Variants in PPARGC1A observed in about 807,000 individuals in gnomAD.
The protein encoded by PPARGC1A is peroxisome proliferator-activated receptor gamma coactivator 1-alpha.
Under a neutral mutation model 88.7 loss-of-function variants are expected in PPARGC1A, and 25 were observed. The ratio of observed to expected loss-of-function variants is 0.28; its 90% CI spans 0.21 to 0.39. PPARGC1A has a LOEUF of 0.39. Ranked by LOEUF, PPARGC1A falls within the 10% of genes least tolerant of loss-of-function variation. The probability of loss-of-function intolerance (pLI) is 1.00; values close to 1 mark genes in which losing one functional copy is unlikely to be tolerated. For synonymous variants in PPARGC1A, 363 were observed against 355.6 expected (o/e 1.02, Z -0.24); for missense variants, 880 against 968.7 (o/e 0.91, Z 1.22).
At chr4:24,143,585 T>C in the PPARGC1A span, among the ~76,000 whole-genome samples, 324 of 151,872 alleles carry the variant, frequency 2.1e-3, 2 homozygotes, top group East Asian at 0.032. Context: ...ATAGCCCACA[T>C]ATTAGACAGA....
the PPARGC1A span, among the ~76,000 whole-genome samples, chr4:24,322,195 C>T: frequency 6.6e-6 from 1 of 152,138 alleles, no homozygotes; most frequent in Non-Finnish European, 1.5e-5. Flanking sequence ...GCCCACATAC[C>T]AAATCTGAAA....
At chr4:23,820,664 C>T (rs1722853957) in intron 7 of PPARGC1A, 1 of 436,066 alleles carries the variant, frequency 2.3e-6, no homozygotes, top group South Asian at 1.6e-5. Flanking sequence ...GTTTTTTTAT[C>T]AGCCAAAATG....
At chr4:24,454,390 T>G in the PPARGC1A span, among the ~76,000 whole-genome samples, 1 of 152,064 alleles carries the variant, frequency 6.6e-6, no homozygotes, top group African/African-American at 2.4e-5. Flanking sequence ...GGATAAATAT[T>G]GTTTCCTTTT....
the PPARGC1A span, among the ~76,000 whole-genome samples, chr4:24,438,190 T>C: frequency 3.3e-5 from 5 of 152,252 alleles, no homozygotes; most frequent in Admixed American, 6.5e-5. Flanking sequence ...AGATTTGATG[T>C]GGAGGAACAG....
the PPARGC1A span, among the ~76,000 whole-genome samples, chr4:24,141,833 G>T: frequency 6.6e-6 from 1 of 152,082 alleles, no homozygotes; most frequent in African/African-American, 2.4e-5. Context: ...GAAACACTCA[G>T]TTCCCTTCCA....
At chr4:24,288,283 G>T in the PPARGC1A span, among the ~76,000 whole-genome samples, 5 of 152,146 alleles carry the variant, frequency 3.3e-5, no homozygotes, top group Non-Finnish European at 7.3e-5. Flanking sequence ...GACCCTAGCT[G>T]GGTTTCTCAA....
At chr4:24,016,170 T>C in the PPARGC1A span, among the ~76,000 whole-genome samples, 1 of 152,196 alleles carries the variant, frequency 6.6e-6, no homozygotes, top group Non-Finnish European at 1.5e-5. Flanking sequence ...ATTATTTTCA[T>C]GCAATTCTGT....
chr4:24,060,602 G>A, the PPARGC1A span, among the ~76,000 whole-genome samples: 1 of 152,170 alleles, frequency 6.6e-6, no homozygotes, highest in Non-Finnish European at 1.5e-5. Flanking sequence ...GCCTTTCTAA[G>A]GTTGGGGAAA....
chr4:24,228,933 T>A, the PPARGC1A span, among the ~76,000 whole-genome samples: 2 of 152,148 alleles, frequency 1.3e-5, no homozygotes, highest in Non-Finnish European at 2.9e-5. Context: ...AATGCAGATA[T>A]GCAGGCTCCA....
At chr4:24,324,754 C>T in the PPARGC1A span, among the ~76,000 whole-genome samples, 1 of 152,138 alleles carries the variant, frequency 6.6e-6, no homozygotes, top group Admixed American at 6.5e-5. Flanking sequence ...ACACATCAGT[C>T]CCTTCCTAGT....
At chr4:24,278,447 T>C in the PPARGC1A span, among the ~76,000 whole-genome samples, 5 of 152,226 alleles carry the variant, frequency 3.3e-5, no homozygotes, top group Non-Finnish European at 7.3e-5. Context: ...CAACTATGTG[T>C]CAGACTTTGT....
At chr4:24,321,227 A>G in the PPARGC1A span, among the ~76,000 whole-genome samples, 1 of 152,222 alleles carries the variant, frequency 6.6e-6, no homozygotes, top group Non-Finnish European at 1.5e-5. Flanking sequence ...TGAAGCAAAA[A>G]GAAACAAAGG....
the PPARGC1A span, among the ~76,000 whole-genome samples, chr4:24,045,233 G>A: frequency 6.6e-6 from 1 of 152,058 alleles, no homozygotes; most frequent in Non-Finnish European, 1.5e-5. Flanking sequence ...ATGAGAATAA[G>A]TATAAAATAG....
At chr4:24,039,282 A>T in the PPARGC1A span, among the ~76,000 whole-genome samples, 1 of 152,142 alleles carries the variant, frequency 6.6e-6, no homozygotes, top group Non-Finnish European at 1.5e-5. Context: ...TACTTTAGTG[A>T]TTCAATTACA....
chr4:24,341,861 CTA>C, the PPARGC1A span, among the ~76,000 whole-genome samples: 3 of 152,272 alleles, frequency 2.0e-5, no homozygotes, highest in African/African-American at 7.2e-5. Flanking sequence ...CACTAAATAT[CTA>C]TTAAGTGGTT....
the PPARGC1A span, among the ~76,000 whole-genome samples, chr4:23,948,365 C>A: frequency 6.6e-6 from 1 of 152,240 alleles, no homozygotes; most frequent in Admixed American, 6.5e-5. Context: ...GGCAGGAAGA[C>A]AACAAGGCAT....
At chr4:23,810,223 A>G (rs959726883) in intron 10 of PPARGC1A, among the ~76,000 whole-genome samples, 2 of 152,354 alleles carry the variant, frequency 1.3e-5, no homozygotes, top group Non-Finnish European at 1.5e-5. Flanking sequence ...TCTATGTTCT[A>G]GGTTTCCTTC....
the PPARGC1A span, among the ~76,000 whole-genome samples, chr4:24,466,048 A>G: frequency 2.0e-5 from 3 of 152,290 alleles, no homozygotes; most frequent in Admixed American, 1.3e-4. Context: ...ATTCATGTAC[A>G]TTTGGAATGA....
chr4:24,230,496 G>A, the PPARGC1A span, among the ~76,000 whole-genome samples: 12 of 152,270 alleles, frequency 7.9e-5, no homozygotes, highest in African/African-American at 2.9e-4. Flanking sequence ...GCTGGTTCCT[G>A]ATGGGGCAGT....
Sources: gnomAD v4.1 joint callset for allele counts (sites outside exome capture counted in the v4.1 genomes callset) on GRCh38, gnomAD v4.1.1 for gene constraint, MANE v1.5 for transcripts, NCBI Gene and HGNC (gene_info 2026-07-23, HGNC 2026-07-21) for gene names.